The following CNTLN variants were observed in gnomAD, a reference collection of about 807,000 sequenced individuals.
CNTLN encodes the protein centlein, centrosomal protein.
CNTLN carries 212 observed loss-of-function variants against 180.0 expected under a neutral mutation model. That is an observed-to-expected ratio of 1.18 (90% CI 1.05 to 1.32). The LOEUF (loss-of-function observed/expected upper bound fraction) is 1.32, where lower values mean the gene tolerates loss of function less well. Among genes scored for constraint, CNTLN ranks in the 40% most tolerant of loss-of-function variants. CNTLN has a pLI of 0.00. For missense variants in CNTLN, 2,095 were observed against 1,610.9 expected, an observed-to-expected ratio of 1.30 and a Z score of -5.14; for synonymous variants, 722 against 563.1, an observed-to-expected ratio of 1.28 and a Z score of -3.99.
At chr9:17,407,090 A>G (rs1827450919) in intron 15 of CNTLN, among the ~76,000 whole-genome samples, 1 of 152,246 alleles carries the variant, frequency 6.6e-6, no homozygotes, top group South Asian at 2.1e-4. Flanking sequence ...TGATTCAGAA[A>G]TAATGAATTC....
At chr9:17,183,254 C>T (rs59305778) in intron 2 of CNTLN, among the ~76,000 whole-genome samples, 2,887 of 152,050 alleles carry the variant, frequency 0.019, 58 homozygotes, top group African/African-American at 0.05. Flanking sequence ...TCCATAAATC[C>T]AAACCATCTT....
intron 5 of CNTLN, among the ~76,000 whole-genome samples, chr9:17,256,835 AT>A (rs1367010471): frequency 1.3e-5 from 2 of 151,532 alleles, no homozygotes; most frequent in Admixed American, 1.3e-4. Context: ...CTCTCTCTTG[AT>A]TTTTTGGAAG....
intron 8 of CNTLN, among the ~76,000 whole-genome samples, chr9:17,311,069 G>A (rs1340854282): frequency 6.6e-6 from 1 of 151,756 alleles, no homozygotes; most frequent in Non-Finnish European, 1.5e-5. Context: ...TTGTTGTCCA[G>A]GCTGGAGTGC....
chr9:17,476,975 T>A (rs550849848), intron 23 of CNTLN, among the ~76,000 whole-genome samples: 1 of 152,202 alleles, frequency 6.6e-6, no homozygotes, highest in Non-Finnish European at 1.5e-5. Context: ...AAGAACGGGC[T>A]GAGTCTCTTG....
chr9:17,207,506 G>A (rs1823007781), intron 2 of CNTLN, among the ~76,000 whole-genome samples: 5 of 152,166 alleles, frequency 3.3e-5, no homozygotes, highest in Non-Finnish European at 7.4e-5. Context: ...GGAATCTTCC[G>A]TTGTGCAGAC....
intron 8 of CNTLN, among the ~76,000 whole-genome samples, chr9:17,313,504 A>C (rs772424040): frequency 6.6e-6 from 1 of 151,726 alleles, no homozygotes; most frequent in Non-Finnish European, 1.5e-5. Context: ...TTCATTATTC[A>C]CTTAAACGTA....
intron 7 of CNTLN, chr9:17,298,660 A>G (rs1818126183): frequency 9.7e-7 from 1 of 1,026,250 alleles, no homozygotes; most frequent in Non-Finnish European, 1.2e-6. Context: ...CAAAACTGGA[A>G]TGGAATTCCT....
intron 15 of CNTLN, among the ~76,000 whole-genome samples, chr9:17,406,040 A>G (rs573829031): frequency 1.3e-5 from 2 of 151,796 alleles, no homozygotes; most frequent in Non-Finnish European, 2.9e-5. Context: ...ATACTTGGAT[A>G]TCAAATAGCC....
intron 16 of CNTLN, among the ~76,000 whole-genome samples, chr9:17,413,692 A>G (rs1828021399): frequency 6.6e-6 from 1 of 152,204 alleles, no homozygotes; most frequent in Admixed American, 6.5e-5. Flanking sequence ...GGAAACAGCT[A>G]AAGTAAAAAT....
chr9:17,257,945 G>A (rs375684801), intron 5 of CNTLN, among the ~76,000 whole-genome samples: 79 of 142,662 alleles, frequency 5.5e-4, no homozygotes, highest in African/African-American at 1.7e-3. Flanking sequence ...CACTCTGATG[G>A]TAGTTTCTTT....
chr9:17,322,307 C>G (rs1473551773), intron 8 of CNTLN, among the ~76,000 whole-genome samples: 1 of 151,908 alleles, frequency 6.6e-6, no homozygotes, highest in African/African-American at 2.4e-5. Flanking sequence ...AAGTCTTTAT[C>G]TTTTGTAAGT....
chr9:17,467,427 C>T (rs1831813937), intron 23 of CNTLN, among the ~76,000 whole-genome samples: 1 of 151,632 alleles, frequency 6.6e-6, no homozygotes, highest in African/African-American at 2.4e-5. Context: ...TTCCCCTAGA[C>T]ATAGAAGTTA....
intron 8 of CNTLN, among the ~76,000 whole-genome samples, chr9:17,323,385 G>A (rs1167102090): frequency 6.6e-6 from 1 of 152,212 alleles, no homozygotes; most frequent in Non-Finnish European, 1.5e-5. Flanking sequence ...TGGTGCATGT[G>A]TAGAACATTA....
At chr9:17,221,344 A>C (rs1824123383) in intron 2 of CNTLN, among the ~76,000 whole-genome samples, 1 of 152,110 alleles carries the variant, frequency 6.6e-6, no homozygotes, top group Non-Finnish European at 1.5e-5. Context: ...CAAAACATAA[A>C]ATAAAAAGGG....
chr9:17,309,288 A>C (rs1321936592), intron 8 of CNTLN, 36 bp downstream of exon 8: 1 of 1,429,916 alleles, frequency 7.0e-7, no homozygotes, highest in South Asian at 1.6e-5. Context: ...ATTCAGTGTA[A>C]TATTAAATGA....
intron 10 of CNTLN, among the ~76,000 whole-genome samples, chr9:17,339,269 A>T (rs900658826): frequency 6.6e-6 from 1 of 152,206 alleles, no homozygotes. Flanking sequence ...CAGTAAAATA[A>T]TGCAGACTCT....
At chr9:17,303,326 A>T (rs1227263510) in intron 7 of CNTLN, among the ~76,000 whole-genome samples, 1 of 152,162 alleles carries the variant, frequency 6.6e-6, no homozygotes, top group Non-Finnish European at 1.5e-5. Flanking sequence ...AATAATTTCT[A>T]ATGTTGGAAT....
chr9:17,384,300 A>AAC (rs894226357), intron 13 of CNTLN, among the ~76,000 whole-genome samples: 3 of 151,652 alleles, frequency 2.0e-5, no homozygotes, highest in Non-Finnish European at 2.9e-5. Flanking sequence ...GAAAAAAAAA[A>AAC]AACTACTTAT....
intron 14 of CNTLN, 55 bp downstream of exon 14, chr9:17,388,308 A>G: frequency 3.4e-6 from 4 of 1,161,158 alleles, no homozygotes; most frequent in Non-Finnish European, 5.1e-6. Flanking sequence ...ATTTTAACAT[A>G]AAGGATTATA....
Sources: gnomAD v4.1 joint callset for allele counts (sites outside exome capture counted in the v4.1 genomes callset) on GRCh38, gnomAD v4.1.1 for gene constraint, MANE v1.5 for transcripts, NCBI Gene and HGNC (gene_info 2026-07-23, HGNC 2026-07-21) for gene names.